Variants in LHX4 observed in about 807,000 individuals in gnomAD.
The protein encoded by LHX4 is LIM homeobox 4.
A neutral mutation model predicts 39.2 loss-of-function variants in LHX4; 16 were observed. The ratio of observed to expected loss-of-function variants is 0.41; its 90% CI spans 0.28 to 0.62. The LOEUF (loss-of-function observed/expected upper bound fraction) is 0.62. LHX4 is among the 20% of genes least tolerant of loss of function. LHX4 has a pLI of 0.33. For synonymous variants in LHX4, 206 were observed against 198.1 expected, an observed-to-expected ratio of 1.04 and a Z score of -0.33; for missense variants, 439 against 511.9, an observed-to-expected ratio of 0.86 and a Z score of 1.37.
intron 2 of LHX4, among the ~76,000 whole-genome samples, chr1:180,261,472 A>G (rs1311870305): frequency 6.6e-6 from 1 of 152,158 alleles, no homozygotes; most frequent in Non-Finnish European, 1.5e-5. Context: ...GCAACATAGT[A>G]GGACCCAATC....
chr1:180,264,369 CACACACATA>C (rs1284673004), intron 2 of LHX4, among the ~76,000 whole-genome samples: 40 of 126,346 alleles, frequency 3.2e-4, no homozygotes, highest in African/African-American at 1.3e-3. Flanking sequence ...CTGTTATACA[CACACACATA>C]ACACACACAC....
At chr1:180,244,139 C>G (rs1225717180) in intron 1 of LHX4, among the ~76,000 whole-genome samples, 1 of 152,220 alleles carries the variant, frequency 6.6e-6, no homozygotes, top group Non-Finnish European at 1.5e-5. Context: ...CCTGACGTGG[C>G]TCATAACAGG....
At position 180,266,111 on chromosome 1, in the gene LHX4, A is replaced by G. The variant is rs890944601; in HGVS notation, c.249-281A>G. Among the ~76,000 whole-genome samples the G allele has an allele frequency of 2.6e-5, 4 of 152,132 alleles. No homozygotes were observed. The highest frequency in any genetic ancestry group is 9.7e-5 in the African/African-American group (4 of 41,430). ...CTCCCCCTGTGAATTGATGGGTGTT[A>G]ATCGGGCAGCTGGAATCCGGGGGCA... On this transcript the variant is annotated intron_variant, in intron 2 of 5. Transcript: ENST00000263726. The surrounding 1 kb of genome is among the most constrained non-coding windows in gnomAD (Gnocchi z 5.7).
At chr1:180,272,744 T>A (rs1648752303) in intron 5 of LHX4, 1 of 152,260 alleles carries the variant, frequency 6.6e-6, no homozygotes. Context: ...AGACCTGGTT[T>A]CCAGTGCAGC....
intron 2 of LHX4, among the ~76,000 whole-genome samples, chr1:180,260,898 C>G (rs1648090446): frequency 6.6e-6 from 1 of 151,792 alleles, no homozygotes; most frequent in Non-Finnish European, 1.5e-5. Flanking sequence ...GCTCGTTGCC[C>G]TTGGGAGCTA....
At chr1:180,243,525 A>G (rs945896531) in intron 1 of LHX4, among the ~76,000 whole-genome samples, 3 of 152,164 alleles carry the variant, frequency 2.0e-5, no homozygotes, top group Non-Finnish European at 4.4e-5. Context: ...AAAAATTTCC[A>G]GATAGTTTAT....
chr1:180,274,243 C>T lies in LHX4; in HGVS notation c.837C>T (p.Asp279=), dbSNP rs150931176. The change falls in exon 6 of 6, where the codon GAC becomes GAT. Residue 279 remains aspartate, a synonymous_variant. Transcript: ENST00000263726. The part of the protein sequence containing the change: ...HTNRIYGNVG[D]VTGGQLMNGS... ...ATAGGATTTATGGCAACGTGGGGGACGTTACAGGCGGACAGTTAATGAATG... is the reference window on the plus strand; with the variant it reads ...ATAGGATTTATGGCAACGTGGGGGATGTTACAGGCGGACAGTTAATGAATG... 2.6e-5 allele frequency: 42 copies of T among 1,614,084 alleles called. No homozygotes were observed. The highest frequency in any genetic ancestry group is 3.3e-5 in the South Asian group (3 of 91,094).
chr1:180,268,511 C>T (rs770948872), intron 3 of LHX4, among the ~76,000 whole-genome samples: 2 of 152,160 alleles, frequency 1.3e-5, no homozygotes, highest in Non-Finnish European at 2.9e-5. Flanking sequence ...GCTGGGCATC[C>T]CCCCACACAG....
intron 2 of LHX4, among the ~76,000 whole-genome samples, chr1:180,259,635 A>C (rs933915306): frequency 1.3e-5 from 2 of 151,558 alleles, no homozygotes; most frequent in African/African-American, 2.4e-5. Context: ...CCGAGGCACC[A>C]TCAGTCCGGT....
chr1:180,243,797 G>GT (rs1285255718), intron 1 of LHX4, among the ~76,000 whole-genome samples: 2 of 152,086 alleles, frequency 1.3e-5, no homozygotes, highest in African/African-American at 4.8e-5. Context: ...TTACCCAGCT[G>GT]TTAGGGAGCT....
At chr1:180,262,955 C>G (rs1648166799) in intron 2 of LHX4, among the ~76,000 whole-genome samples, 1 of 152,170 alleles carries the variant, frequency 6.6e-6, no homozygotes, top group African/African-American at 2.4e-5. Context: ...TGGATCAGCT[C>G]CAGCTGCTCT....
intron 1 of LHX4, among the ~76,000 whole-genome samples, chr1:180,241,200 G>A (rs1486001761): frequency 6.6e-6 from 1 of 152,152 alleles, no homozygotes; most frequent in African/African-American, 2.4e-5. Flanking sequence ...ATTCTGCAGA[G>A]GAAAGAGTCT....
Position 180,230,497 on chromosome 1 carries a change from C to T in LHX4, c.-33C>T, listed in dbSNP as rs1450697903. The T allele has an allele frequency of 3.8e-6, 6 of 1,582,156 alleles. No homozygotes were observed. In the South Asian group the frequency reaches 4.4e-5, roughly 12 times the overall value. Reference sequence around the variant, plus strand: ...CTAGAGCGAGAGAGCGAGAGATCTCCGTAGACTGCGACTCGCTGGCTTTCG... The same window carrying T: ...CTAGAGCGAGAGAGCGAGAGATCTCTGTAGACTGCGACTCGCTGGCTTTCG... On this transcript the variant is annotated 5_prime_UTR_variant, in exon 1 of 6. Transcript: ENST00000263726. This position sits in a 1 kb window ranked among gnomAD's most constrained non-coding sequence, Gnocchi z 5.8.
intron 2 of LHX4, among the ~76,000 whole-genome samples, chr1:180,261,835 G>T (rs1259916759): frequency 1.3e-5 from 2 of 152,190 alleles, no homozygotes; most frequent in Non-Finnish European, 2.9e-5. Context: ...AACCAGGACT[G>T]ATGATGCATT....
chr1:180,262,243 C>T lies in LHX4; in HGVS notation c.249-4149C>T, dbSNP rs193082169. On this transcript the variant is annotated intron_variant, in intron 2 of 5. Coordinates refer to ENST00000263726, the MANE Select transcript of LHX4 (RefSeq NM_033343.4). ...TCTTGGACCTTTCTTTCTCTGGGAT[C>T]GCTGCCCAGCACCTTCCTACAGAGA... Among the ~76,000 whole-genome samples, 5 of 145,582 alleles carry T rather than the reference C, an allele frequency of 3.4e-5. No individual in the cohort carries two copies. The East Asian group carries it at 8.0e-4, about 23-fold the overall frequency.
chr1:180,246,889 T>C (rs1647409415), intron 1 of LHX4, among the ~76,000 whole-genome samples: 5 of 152,206 alleles, frequency 3.3e-5, no homozygotes, highest in Admixed American at 2.0e-4. Flanking sequence ...GCATTACCCT[T>C]GTGTGCCAGG....
At chr1:180,254,416 C>T (rs1314350806) in intron 2 of LHX4, among the ~76,000 whole-genome samples, 7 of 152,230 alleles carry the variant, frequency 4.6e-5, no homozygotes, top group East Asian at 1.9e-4. Flanking sequence ...GTCTGCAGGC[C>T]GTAGGTGGGC....
At chr1:180,244,752 C>T (rs1647320442) in intron 1 of LHX4, among the ~76,000 whole-genome samples, 1 of 152,214 alleles carries the variant, frequency 6.6e-6, no homozygotes, top group Non-Finnish European at 1.5e-5. Flanking sequence ...TGGGCTAGCT[C>T]CCAGCCTGCA....
At chr1:180,229,953 C>A (rs1571249483), upstream of LHX4, among the ~76,000 whole-genome samples, 1 of 30,224 alleles carries the variant, frequency 3.3e-5, no homozygotes, top group African/African-American at 3.2e-4. Flanking sequence ...GAGGCGGAGG[C>A]GGAGGCGGGG....
Sources: gnomAD v4.1 joint callset for allele counts (sites outside exome capture counted in the v4.1 genomes callset) on GRCh38, gnomAD v4.1.1 for gene constraint, Gnocchi (gnomAD v3.1) non-coding constraint, MANE v1.5 for transcripts, NCBI Gene and HGNC (gene_info 2026-07-23, HGNC 2026-07-21) for gene names.